MALRD1: variants seen among roughly 807,000 people sequenced by gnomAD.
MALRD1 encodes MAM and LDL-receptor class A domain-containing protein 1.
Under a neutral mutation model 242.1 loss-of-function variants are expected in MALRD1, and 247 were observed. The observed-to-expected ratio is 1.02, with a 90% confidence interval of 0.92 to 1.13. The LOEUF (loss-of-function observed/expected upper bound fraction) is 1.13. Ranked by LOEUF, MALRD1 falls within the 50% of genes most tolerant of loss-of-function variation. MALRD1 has a pLI of 0.00. For missense variants in MALRD1, 2,989 were observed against 2,533.1 expected (o/e 1.18, Z -3.86); for synonymous variants, 995 against 866.6 (o/e 1.15, Z -2.60).
chr10:19,697,683 C>T (rs764473577), intron 38 of MALRD1, among the ~76,000 whole-genome samples: 1 of 152,180 alleles, frequency 6.6e-6, no homozygotes, highest in Non-Finnish European at 1.5e-5. Flanking sequence ...GACCCTCGGG[C>T]AAATATTGGT....
At chr10:19,397,500 A>G (rs1205645466) in intron 28 of MALRD1, among the ~76,000 whole-genome samples, 1 of 152,122 alleles carries the variant, frequency 6.6e-6, no homozygotes, top group Non-Finnish European at 1.5e-5. Flanking sequence ...TTGGACACTT[A>G]AGTTGATTGC....
chr10:19,157,376 T>A (rs1349794763), intron 12 of MALRD1, among the ~76,000 whole-genome samples: 1 of 150,614 alleles, frequency 6.6e-6, no homozygotes, highest in Non-Finnish European at 1.5e-5. Context: ...GCCTCCTGAG[T>A]AGCTGGGACT....
intron 19 of MALRD1, among the ~76,000 whole-genome samples, chr10:19,267,324 A>T (rs556758346): frequency 6.6e-6 from 1 of 152,190 alleles, no homozygotes; most frequent in East Asian, 1.9e-4. Flanking sequence ...AAGCAGTGGC[A>T]CATTGTACAA....
At chr10:19,506,596 AT>A (rs1485334150) in intron 31 of MALRD1, among the ~76,000 whole-genome samples, 1 of 152,126 alleles carries the variant, frequency 6.6e-6, no homozygotes, top group Non-Finnish European at 1.5e-5. Context: ...ATATATATAT[AT>A]TTCCATATAC....
At chr10:19,433,953 A>G (rs1028437986) in intron 28 of MALRD1, among the ~76,000 whole-genome samples, 1 of 152,248 alleles carries the variant, frequency 6.6e-6, no homozygotes, top group Middle Eastern at 3.4e-3. Context: ...AAGAGAAACT[A>G]CACTGTCTAT....
chr10:19,570,746 C>CT (rs1426598325), intron 33 of MALRD1, among the ~76,000 whole-genome samples: 2 of 151,942 alleles, frequency 1.3e-5, no homozygotes, highest in Non-Finnish European at 2.9e-5. Context: ...CAAAAGATAT[C>CT]TATGTATAAA....
chr10:19,661,814 A>G (rs1444827700), intron 36 of MALRD1, among the ~76,000 whole-genome samples: 2 of 152,168 alleles, frequency 1.3e-5, no homozygotes, highest in Non-Finnish European at 2.9e-5. Flanking sequence ...TGTTTGGTAA[A>G]AAGGAAAACA....
chr10:19,471,907 C>A (rs1183723919), intron 29 of MALRD1, among the ~76,000 whole-genome samples: 1 of 151,922 alleles, frequency 6.6e-6, no homozygotes, highest in African/African-American at 2.4e-5. Context: ...ATTTGGATGA[C>A]TTTTATTTCC....
At chr10:19,289,803 G>A (rs891225075) in intron 21 of MALRD1, among the ~76,000 whole-genome samples, 2 of 152,058 alleles carry the variant, frequency 1.3e-5, no homozygotes, top group Non-Finnish European at 2.9e-5. Flanking sequence ...TTTAAAGCCA[G>A]GTTTTTAAGG....
At chr10:19,644,396 G>A (rs1840553465) in intron 36 of MALRD1, among the ~76,000 whole-genome samples, 1 of 17,830 alleles carries the variant, frequency 5.6e-5, no homozygotes, top group Non-Finnish European at 1.2e-4. Context: ...AGGCTCAGAA[G>A]GTTCTTACTG....
chr10:19,363,678 C>G (rs994306537), intron 26 of MALRD1, among the ~76,000 whole-genome samples: 1 of 152,084 alleles, frequency 6.6e-6, no homozygotes. Flanking sequence ...TAAGAAGCAA[C>G]TGGAAGTTTC....
At position 19,694,269 on chromosome 10, in the gene MALRD1, C is replaced by T. The variant is rs374379429; in HGVS notation, c.6314+1715C>T. 5.8e-3 allele frequency among the ~76,000 whole-genome samples: 888 copies of T among 152,016 alleles called. 4 individuals are homozygous for T. The highest frequency in any genetic ancestry group is 7.8e-3 in the African/African-American group (325 of 41,476). ...AGAGCTTCTGCACAGCAAAAGAAAC[C>T]GCCATCAGAGTGAACAGGCAACCTA... On this transcript the variant is annotated intron_variant, in intron 38 of 39. Coordinates refer to ENST00000454679, the MANE Select transcript of MALRD1 (RefSeq NM_001142308.3).
chr10:19,451,480 G>A (rs548473291), intron 29 of MALRD1, among the ~76,000 whole-genome samples: 97 of 152,266 alleles, frequency 6.4e-4, no homozygotes, highest in African/African-American at 2.2e-3. Context: ...TTCACAGTTT[G>A]CAAGGTTCTT....
chr10:19,620,328 T>C (rs1839345199), intron 36 of MALRD1, among the ~76,000 whole-genome samples: 1 of 152,006 alleles, frequency 6.6e-6, no homozygotes, highest in African/African-American at 2.4e-5. Context: ...CACCCTCCAC[T>C]CTCAAGTAGG....
chr10:19,343,757 A>G (rs1843987589), intron 24 of MALRD1, among the ~76,000 whole-genome samples: 1 of 152,082 alleles, frequency 6.6e-6, no homozygotes, highest in Non-Finnish European at 1.5e-5. Context: ...TTCCAGAGCG[A>G]TTGCATCGTG....
chr10:19,321,552 T>C (rs183622351), intron 21 of MALRD1, among the ~76,000 whole-genome samples: 59 of 152,320 alleles, frequency 3.9e-4, no homozygotes, highest in African/African-American at 1.2e-3. Flanking sequence ...TTAATACATT[T>C]AACTAAATCA....
chr10:19,077,666 A>G (rs1049654624), intron 2 of MALRD1, among the ~76,000 whole-genome samples: 2 of 151,930 alleles, frequency 1.3e-5, no homozygotes, highest in African/African-American at 4.8e-5. Flanking sequence ...AAATCTAAAT[A>G]CACTAAATAT....
intron 36 of MALRD1, among the ~76,000 whole-genome samples, chr10:19,639,005 G>T (rs891791144): frequency 4.6e-5 from 7 of 151,996 alleles, no homozygotes; most frequent in Admixed American, 6.6e-5. Context: ...CGGGGTGAAG[G>T]TTGGGGAATA....
At chr10:19,355,865 T>TATATATATATATATATATATATAA (rs1564589448) in intron 26 of MALRD1, among the ~76,000 whole-genome samples, 1 of 59,676 alleles carries the variant, frequency 1.7e-5, no homozygotes, top group African/African-American at 6.6e-5. Flanking sequence ...ATATTATATA[T>TATATATATATATATATATATATAA]GATATATATT....
Sources: allele counts gnomAD v4.1 joint callset (sites outside exome capture counted in the v4.1 genomes callset), GRCh38; gene constraint gnomAD v4.1.1; transcripts MANE v1.5; gene names NCBI Gene and HGNC (gene_info 2026-07-23, HGNC 2026-07-21).